The following BMPR2 variants were observed in gnomAD, a reference collection of about 807,000 sequenced individuals.
BMPR2 encodes bone morphogenetic protein receptor type 2.
In BMPR2, 29 loss-of-function variants were observed where a neutral mutation model predicts 100.8. The observed-to-expected ratio is 0.29, with a 90% CI of 0.21 to 0.39. BMPR2 has a LOEUF of 0.39. Among genes scored for constraint, BMPR2 ranks in the 10% least tolerant of loss-of-function variants. The pLI, the probability that BMPR2 is intolerant of heterozygous loss-of-function variation, is 1.00. For missense variants in BMPR2, 1,011 were observed against 1,274.5 expected, an observed-to-expected ratio of 0.79 and a Z score of 3.15; for synonymous variants, 382 against 442.3, an observed-to-expected ratio of 0.86 and a Z score of 1.71.
At chr2:202,557,008 G>A (rs1688586608) in intron 12 of BMPR2, among the ~76,000 whole-genome samples, 1 of 151,388 alleles carries the variant, frequency 6.6e-6, no homozygotes, top group African/African-American at 2.4e-5. Flanking sequence ...GGGCAAAAAA[G>A]TGAAACTCCA....
intron 1 of BMPR2, among the ~76,000 whole-genome samples, chr2:202,433,237 C>A (rs1230689852): frequency 6.7e-6 from 1 of 150,028 alleles, no homozygotes; most frequent in African/African-American, 2.5e-5. Context: ...TAAACAGAAC[C>A]AATAGGAGTA....
At chr2:202,542,608 GA>G (rs1559070335) in intron 10 of BMPR2, among the ~76,000 whole-genome samples, 161 bp downstream of exon 10, 2 of 151,926 alleles carry the variant, frequency 1.3e-5, no homozygotes, top group South Asian at 2.1e-4. Flanking sequence ...TTTTCAATAT[GA>G]AAAAAAGTCA....
At chr2:202,395,663 C>T (rs921181180) in intron 1 of BMPR2, among the ~76,000 whole-genome samples, 6 of 152,108 alleles carry the variant, frequency 3.9e-5, no homozygotes, top group Non-Finnish European at 7.4e-5. Context: ...TAGCTGAATG[C>T]GGTGGCCCAT....
rs538028234 is a variant in BMPR2, at chr2:202,459,152, T to C, written c.77-5657T>C. On this transcript the variant is annotated intron_variant, in intron 1 of 12. Transcript: ENST00000374580. ...CTTGTTTAACAAACTTTTTGTCAGC[T>C]ACCATTTGGCAGCTCACTTTCACAA... is the stretch of plus-strand genomic sequence containing the variant. Among the ~76,000 whole-genome samples the C allele has an allele frequency of 2.0e-5, 3 of 152,344 alleles. No individual in the cohort carries two copies. In the South Asian group the frequency reaches 6.2e-4, roughly 32 times the overall value.
intron 2 of BMPR2, among the ~76,000 whole-genome samples, chr2:202,465,613 C>T (rs1162650136): frequency 6.6e-6 from 1 of 151,496 alleles, no homozygotes; most frequent in Non-Finnish European, 1.5e-5. Context: ...AATCCCAGCA[C>T]TTTGGGAGGC....
rs905012316 is a variant in BMPR2, at chr2:202,403,777, C to T, written c.76+26227C>T. Among the ~76,000 whole-genome samples the T allele has an allele frequency of 5.9e-5, 9 of 152,010 alleles. No individual in the cohort carries two copies. In the East Asian group the frequency reaches 9.7e-4, roughly 16 times the overall value. The stretch of plus-strand genomic sequence containing the variant: ...ATCCCAGCACTTTTGGAGTCCAAGG[C>T]GGGTGATCACATGAGGTCGGGAGTT... On this transcript the variant is annotated intron_variant, in intron 1 of 12. Transcript: ENST00000374580.
At chr2:202,451,142 G>T (rs1219417283) in intron 1 of BMPR2, among the ~76,000 whole-genome samples, 3 of 152,070 alleles carry the variant, frequency 2.0e-5, no homozygotes, top group African/African-American at 4.8e-5. Flanking sequence ...TGTGACTCTT[G>T]TATTTTTAGA....
At chr2:202,397,127 A>T (rs1342485568) in intron 1 of BMPR2, among the ~76,000 whole-genome samples, 1 of 152,118 alleles carries the variant, frequency 6.6e-6, no homozygotes. Flanking sequence ...GATATCTTGA[A>T]TCTCCAGTAT....
At chr2:202,534,846 C>T (rs1419684780) in intron 9 of BMPR2, among the ~76,000 whole-genome samples, 1 of 144,332 alleles carries the variant, frequency 6.9e-6, no homozygotes, top group Non-Finnish European at 1.5e-5. Context: ...GCTGGCCAGG[C>T]GGGGGGCTGA....
At chr2:202,497,831 GTA>G (rs1259335685) in intron 3 of BMPR2, among the ~76,000 whole-genome samples, 3 of 152,218 alleles carry the variant, frequency 2.0e-5, no homozygotes, top group African/African-American at 4.8e-5. Flanking sequence ...ATGATTTCTA[GTA>G]TAAACTCCAG....
In BMPR2 at chr2:202,414,963, C is replaced by T. The variant is rs557434886; in HGVS notation, c.76+37413C>T. Among the ~76,000 whole-genome samples, 117 of 152,144 alleles carry T rather than the reference C, an allele frequency of 7.7e-4. 1 individual carries two copies. Among genetic ancestry groups the T allele is most frequent in the African/African-American group, 2.8e-3 (115 of 41,534 alleles). ...CCACATTGTCCAGGCTGGTCTTGAA[C>T]TCAGGTGATCCGCTTCCCTTGGCCT... On this transcript the variant is annotated intron_variant, in intron 1 of 12. Coordinates refer to ENST00000374580, the MANE Select transcript of BMPR2 (RefSeq NM_001204.7).
intron 1 of BMPR2, 109 bp from the exon 2 acceptor site, chr2:202,464,700 A>T (rs1455487449): frequency 9.4e-7 from 1 of 1,059,714 alleles, no homozygotes; most frequent in African/African-American, 1.6e-5. Context: ...ATTTCAGTTC[A>T]AATAATTTAG....
At chr2:202,440,108 A>G (rs1691701999) in intron 1 of BMPR2, among the ~76,000 whole-genome samples, 1 of 150,674 alleles carries the variant, frequency 6.6e-6, no homozygotes, top group South Asian at 2.1e-4. Flanking sequence ...GGAGTCTCCC[A>G]TGTCTACTTC....
In BMPR2 at chr2:202,532,493, T is replaced by G. The variant is rs996066127; in HGVS notation, c.1129-92T>G. The G allele has an allele frequency of 4.1e-6, 6 of 1,455,832 alleles. No individual in the cohort carries two copies. Among genetic ancestry groups the G allele is most frequent in the Non-Finnish European group, 5.7e-6 (6 of 1,049,880 alleles). The allele number at this position is 1,455,832 out of a possible 1,614,324, so 90.2% of individuals were successfully genotyped here. ...TGGTTAGGGTCAAATAACATTGACA[T>G]GACTAAGATTTATATATAACTTCTG... is the stretch of plus-strand genomic sequence containing the variant. On this transcript the variant is annotated intron_variant, in intron 8 of 12. Transcript: ENST00000374580. The surrounding 1 kb of genome is among the most constrained non-coding windows in gnomAD (Gnocchi z 4.1).
rs1406159667 is a variant in BMPR2 at position 202,433,339 on chromosome 2, A to C, written c.77-31470A>C. On this transcript the variant is annotated intron_variant, in intron 1 of 12. Coordinates refer to ENST00000374580, the MANE Select transcript of BMPR2 (RefSeq NM_001204.7). The stretch of plus-strand genomic sequence containing the variant: ...AGAAAGTTCATGGAAAATGCATATT[A>C]TGAAAAAACTCTGCATGTTTTTCAA... Among the ~76,000 whole-genome samples the C allele has an allele frequency of 4.0e-5, 6 of 150,750 alleles. 1 individual carries two copies. The highest frequency in any genetic ancestry group is 1.5e-4 in the African/African-American group (6 of 40,062).
chr2:202,427,290 A>G (rs1162276082), intron 1 of BMPR2, among the ~76,000 whole-genome samples: 1 of 143,812 alleles, frequency 7.0e-6, no homozygotes, highest in East Asian at 2.3e-4. Flanking sequence ...GGCCCGGGAG[A>G]TTGAGACCTC....
At chr2:202,389,798 C>T (rs1474186417) in intron 1 of BMPR2, among the ~76,000 whole-genome samples, 5 of 151,722 alleles carry the variant, frequency 3.3e-5, no homozygotes, top group African/African-American at 7.3e-5. Context: ...TGTGCCACCA[C>T]GTCCGGCTAA....
chr2:202,452,197 T>A (rs962314245), intron 1 of BMPR2, among the ~76,000 whole-genome samples: 1 of 152,228 alleles, frequency 6.6e-6, no homozygotes, highest in Non-Finnish European at 1.5e-5. Context: ...AGGCAATGAC[T>A]GATCTGCTTT....
At chr2:202,466,142 C>T (rs991895543) in intron 2 of BMPR2, among the ~76,000 whole-genome samples, 1 of 151,978 alleles carries the variant, frequency 6.6e-6, no homozygotes, top group Non-Finnish European at 1.5e-5. Flanking sequence ...AAATAGATCC[C>T]TTGATGTAGA....
Sources: allele counts gnomAD v4.1 joint callset (sites outside exome capture counted in the v4.1 genomes callset), GRCh38; gene constraint gnomAD v4.1.1; non-coding constraint Gnocchi (gnomAD v3.1); transcripts MANE v1.5; gene names NCBI Gene and HGNC (gene_info 2026-07-23, HGNC 2026-07-21).